TAFA1: variants seen among roughly 807,000 people sequenced by gnomAD.
TAFA1 encodes the protein chemokine-like protein TAFA-1.
In TAFA1, 4 loss-of-function variants were observed where a neutral mutation model predicts 18.5. That is an observed-to-expected ratio of 0.22 (90% CI 0.11 to 0.49). The LOEUF is 0.49. TAFA1 is among the 20% of genes least tolerant of loss of function. The pLI, the probability that TAFA1 is intolerant of heterozygous loss-of-function variation, is 0.98. For synonymous variants in TAFA1, 56 were observed against 55.2 expected (o/e 1.01, Z -0.06); for missense variants, 147 against 169.0 (o/e 0.87, Z 0.72).
Position 68,177,882 on chromosome 3 carries a change from C to T in TAFA1, c.118+171138C>T, listed in dbSNP as rs527696466. Among the ~76,000 whole-genome samples the T allele has an allele frequency of 2.4e-3, 364 of 152,280 alleles. 2 individuals are homozygous for T. Among genetic ancestry groups the T allele is most frequent in the Admixed American group, 4.8e-3 (73 of 15,298 alleles). ...ACCCTGGGCTGGGCATGGTGGCTCA[C>T]GCCTGTAATCCCAGCCCTTTGGGAG... On this transcript the variant is annotated intron_variant, in intron 2 of 4. Transcript: ENST00000478136.
chr3:68,080,070 G>T (rs199689121), intron 2 of TAFA1, among the ~76,000 whole-genome samples: 3 of 151,900 alleles, frequency 2.0e-5, no homozygotes, highest in African/African-American at 7.3e-5. Flanking sequence ...TTATGTAATG[G>T]CCTTCTTTGT....
At chr3:68,462,755 A>C (rs540088024) in intron 3 of TAFA1, among the ~76,000 whole-genome samples, 5 of 152,118 alleles carry the variant, frequency 3.3e-5, no homozygotes, top group Admixed American at 3.3e-4. Flanking sequence ...GTTACGTGGA[A>C]TTATCTCCTT....
chr3:68,389,543 A>G (rs1198713013), intron 2 of TAFA1, among the ~76,000 whole-genome samples: 1 of 152,138 alleles, frequency 6.6e-6, no homozygotes, highest in East Asian at 1.9e-4. Context: ...TATTCTTTTA[A>G]AAAGTATCTA....
At chr3:68,088,421 G>A (rs2064996269) in intron 2 of TAFA1, among the ~76,000 whole-genome samples, 1 of 152,144 alleles carries the variant, frequency 6.6e-6, no homozygotes, top group Admixed American at 6.5e-5. Context: ...AGCACTGGCT[G>A]AGAGCCAGGG....
In TAFA1 at chr3:68,245,896, A is replaced by G. The variant is rs1279299941; in HGVS notation, c.119-171384A>G. 3.3e-5 allele frequency among the ~76,000 whole-genome samples: 5 copies of G among 152,356 alleles called. No individual in the cohort carries two copies. The East Asian group carries it at 7.7e-4, about 24-fold the overall frequency. On this transcript the variant is annotated intron_variant, in intron 2 of 4. Coordinates refer to ENST00000478136, the MANE Select transcript of TAFA1 (RefSeq NM_213609.4). ...TATGTTGGTCTTTTACAAGAGTCAT[A>G]AAAGAGGGCTCATCTAGGACAGCCA...
chr3:68,529,124 G>A (rs569771332), intron 3 of TAFA1, among the ~76,000 whole-genome samples: 1 of 151,720 alleles, frequency 6.6e-6, no homozygotes, highest in African/African-American at 2.4e-5. Context: ...TACTGTTAAG[G>A]AGTTCACTGC....
At chr3:68,473,143 G>A (rs1216185054) in intron 3 of TAFA1, among the ~76,000 whole-genome samples, 1 of 152,158 alleles carries the variant, frequency 6.6e-6, no homozygotes, top group African/African-American at 2.4e-5. Flanking sequence ...CAGCTACTTA[G>A]GAATCTTCGG....
At chr3:68,373,360 A>T (rs980043099) in intron 2 of TAFA1, among the ~76,000 whole-genome samples, 5 of 152,192 alleles carry the variant, frequency 3.3e-5, no homozygotes, top group Non-Finnish European at 7.4e-5. Flanking sequence ...TGAGTAACTA[A>T]ATTAAAGTTA....
chr3:68,513,484 C>G (rs529975383), intron 3 of TAFA1, among the ~76,000 whole-genome samples: 1 of 152,224 alleles, frequency 6.6e-6, no homozygotes, highest in Non-Finnish European at 1.5e-5. Context: ...CCACATGTGG[C>G]TAGTAGTTAT....
chr3:68,400,463 G>A (rs17047629), intron 2 of TAFA1, among the ~76,000 whole-genome samples: 1,727 of 152,264 alleles, frequency 0.011, 27 homozygotes, highest in African/African-American at 0.04. Context: ...AGATTCTCAA[G>A]AGAGCTTTAT....
intron 2 of TAFA1, among the ~76,000 whole-genome samples, chr3:68,060,069 G>A (rs1342859130): frequency 2.8e-5 from 4 of 145,332 alleles, no homozygotes; most frequent in Non-Finnish European, 4.5e-5. Flanking sequence ...CTTACTGAAG[G>A]AAAAAAAAAA....
At chr3:68,230,969 C>G (rs1287758880) in intron 2 of TAFA1, among the ~76,000 whole-genome samples, 1 of 152,130 alleles carries the variant, frequency 6.6e-6, no homozygotes. Flanking sequence ...AGATAAATAA[C>G]TATTTAATTA....
chr3:68,479,191 A>G (rs1483679647), intron 3 of TAFA1, among the ~76,000 whole-genome samples: 1 of 144,100 alleles, frequency 6.9e-6, no homozygotes, highest in Non-Finnish European at 1.5e-5. Flanking sequence ...AGATTGTGCC[A>G]CTGCACTCCA....
chr3:68,317,758 C>T (rs1488653001), intron 2 of TAFA1, among the ~76,000 whole-genome samples: 2 of 152,182 alleles, frequency 1.3e-5, no homozygotes, highest in African/African-American at 4.8e-5. Flanking sequence ...TAAAGTTACT[C>T]AAATTAAAAC....
chr3:68,475,337 G>T (rs1481715057), intron 3 of TAFA1, among the ~76,000 whole-genome samples: 1 of 150,450 alleles, frequency 6.6e-6, no homozygotes, highest in Non-Finnish European at 1.5e-5. Context: ...AGTCCCCTGT[G>T]TGTGATGTTC....
At chr3:68,253,032 C>T (rs1386891765) in intron 2 of TAFA1, among the ~76,000 whole-genome samples, 1 of 152,132 alleles carries the variant, frequency 6.6e-6, no homozygotes, top group Non-Finnish European at 1.5e-5. Flanking sequence ...CCTCCCCAGC[C>T]ATGTGGAACT....
At chr3:68,348,197 T>G (rs1363071769) in intron 2 of TAFA1, among the ~76,000 whole-genome samples, 3 of 152,154 alleles carry the variant, frequency 2.0e-5, no homozygotes. Flanking sequence ...TATACCTCAG[T>G]GCCATTGCCT....
intron 2 of TAFA1, among the ~76,000 whole-genome samples, chr3:68,270,760 G>A (rs1490199521): frequency 1.3e-5 from 2 of 152,102 alleles, no homozygotes; most frequent in South Asian, 4.1e-4. Flanking sequence ...TGCCTGACTG[G>A]CCCACTGGCA....
At chr3:68,178,997 G>T (rs1183401256) in intron 2 of TAFA1, among the ~76,000 whole-genome samples, 1 of 152,140 alleles carries the variant, frequency 6.6e-6, no homozygotes, top group African/African-American at 2.4e-5. Flanking sequence ...TAAACTCGGA[G>T]ATATTGTATG....
Sources: gnomAD v4.1 joint callset for allele counts (sites outside exome capture counted in the v4.1 genomes callset) on GRCh38, gnomAD v4.1.1 for gene constraint, MANE v1.5 for transcripts, NCBI Gene and HGNC (gene_info 2026-07-23, HGNC 2026-07-21) for gene names.